GPHN: variants seen among roughly 807,000 people sequenced by gnomAD.
GPHN encodes gephyrin.
Under a neutral mutation model 95.5 loss-of-function variants are expected in GPHN, and 17 were observed. The observed-to-expected ratio is 0.18, with a 90% CI of 0.12 to 0.27. The LOEUF (loss-of-function observed/expected upper bound fraction) is 0.27. GPHN is among the 10% of genes least tolerant of loss of function. The probability of loss-of-function intolerance (pLI) is 1.00; values close to 1 mark genes in which losing one functional copy is unlikely to be tolerated. For synonymous variants in GPHN, 320 were observed against 322.5 expected, an observed-to-expected ratio of 0.99 and a Z score of 0.08; for missense variants, 660 against 978.1, an observed-to-expected ratio of 0.67 and a Z score of 4.34.
At chr14:67,162,781 C>G (rs979363596) in intron 19 of GPHN, among the ~76,000 whole-genome samples, 1 of 152,170 alleles carries the variant, frequency 6.6e-6, no homozygotes, top group African/African-American at 2.4e-5. Context: ...AGATCATGTA[C>G]TAACGCTACA....
chr14:67,111,256 C>G (rs1043709137), intron 14 of GPHN, among the ~76,000 whole-genome samples: 2 of 152,150 alleles, frequency 1.3e-5, no homozygotes, highest in African/African-American at 4.8e-5. Context: ...ATCAGGGAAG[C>G]CAGCAAAGCA....
At chr14:66,857,190 T>C (rs1358876812) in intron 4 of GPHN, among the ~76,000 whole-genome samples, 1 of 151,862 alleles carries the variant, frequency 6.6e-6, no homozygotes, top group Non-Finnish European at 1.5e-5. Flanking sequence ...TGAGAAAAGA[T>C]ATGAAGAATG....
intron 7 of GPHN, 88 bp downstream of exon 7, chr14:66,923,026 C>A (rs2066299088): frequency 9.3e-7 from 1 of 1,080,972 alleles, no homozygotes; most frequent in Non-Finnish European, 1.4e-6. Context: ...TCCCTCCCTA[C>A]ATTTAATACT....
chr14:67,156,480 A>C (rs1212345686), intron 18 of GPHN, among the ~76,000 whole-genome samples: 1 of 152,164 alleles, frequency 6.6e-6, no homozygotes, highest in Non-Finnish European at 1.5e-5. Context: ...TAATAAGTCA[A>C]GGATGCATAT....
intron 1 of GPHN, among the ~76,000 whole-genome samples, chr14:66,561,429 T>A (rs1157014560): frequency 6.6e-6 from 1 of 152,148 alleles, no homozygotes; most frequent in Non-Finnish European, 1.5e-5. Context: ...CTGTTATTGG[T>A]CTATTCTGTA....
chr14:66,626,903 C>A (rs2063548859), intron 1 of GPHN, among the ~76,000 whole-genome samples: 2 of 151,902 alleles, frequency 1.3e-5, no homozygotes, highest in Non-Finnish European at 2.9e-5. Flanking sequence ...TAAAACAGTG[C>A]AGTTATCATT....
the GPHN span, among the ~76,000 whole-genome samples, chr14:67,453,775 A>G: frequency 2.6e-5 from 4 of 152,204 alleles, no homozygotes; most frequent in African/African-American, 9.6e-5. Flanking sequence ...AGAGGGGCAG[A>G]GGAGGTGACC....
chr14:66,793,622 T>C (rs1477243801), intron 3 of GPHN, among the ~76,000 whole-genome samples: 2 of 152,138 alleles, frequency 1.3e-5, no homozygotes, highest in Admixed American at 1.3e-4. Flanking sequence ...TGTATACTTA[T>C]GCATAAGTAT....
the GPHN span, among the ~76,000 whole-genome samples, chr14:67,269,073 T>C: frequency 8.7e-4 from 133 of 152,320 alleles, no homozygotes; most frequent in Admixed American, 2.4e-3. Flanking sequence ...CTACTTTTTG[T>C]CTCTCTATAT....
intron 9 of GPHN, among the ~76,000 whole-genome samples, chr14:66,999,696 C>T (rs1022828180): frequency 7.9e-5 from 12 of 151,690 alleles, no homozygotes; most frequent in African/African-American, 2.7e-4. Flanking sequence ...AACTGATTTT[C>T]AACTTTGTTC....
intron 3 of GPHN, chr14:66,823,451 ATTTTTGAGGGGCT>A (rs957220552): frequency 1.3e-5 from 2 of 152,190 alleles, no homozygotes; most frequent in African/African-American, 4.8e-5. Context: ...ATAATCATTG[ATTTTTGAGGGGCT>A]TTCCTCAGAA....
intron 4 of GPHN, among the ~76,000 whole-genome samples, chr14:66,848,530 G>A (rs950048837): frequency 2.0e-5 from 3 of 151,978 alleles, no homozygotes; most frequent in African/African-American, 4.8e-5. Context: ...AAGAAAACTG[G>A]TTTTCAAATT....
At chr14:67,300,844 T>C in the GPHN span, among the ~76,000 whole-genome samples, 1 of 152,030 alleles carries the variant, frequency 6.6e-6, no homozygotes, top group Non-Finnish European at 1.5e-5. Context: ...GTCAGTCTTT[T>C]TTTTTAATTA....
the GPHN span, among the ~76,000 whole-genome samples, chr14:67,621,416 T>C: frequency 4.9e-4 from 74 of 152,308 alleles, no homozygotes; most frequent in African/African-American, 1.3e-3. Flanking sequence ...ACTGATCTTA[T>C]ATAGAACTAA....
At chr14:66,594,218 T>A (rs1163017288) in intron 1 of GPHN, among the ~76,000 whole-genome samples, 1 of 152,082 alleles carries the variant, frequency 6.6e-6, no homozygotes, top group Non-Finnish European at 1.5e-5. Flanking sequence ...AGGATGAACA[T>A]TGTTAAAGTG....
the GPHN span, among the ~76,000 whole-genome samples, chr14:67,665,649 A>C: frequency 6.6e-6 from 1 of 152,152 alleles, no homozygotes; most frequent in East Asian, 1.9e-4. Flanking sequence ...GTTCCTCTGA[A>C]ACATGGAAAT....
At chr14:67,387,534 A>G in the GPHN span, 3 of 1,438,528 alleles carry the variant, frequency 2.1e-6, no homozygotes, top group Non-Finnish European at 2.9e-6. Context: ...CAGAAAGTCA[A>G]CTGAGACATG....
At chr14:67,218,456 T>C in the GPHN span, among the ~76,000 whole-genome samples, 1 of 152,130 alleles carries the variant, frequency 6.6e-6, no homozygotes, top group South Asian at 2.1e-4. Flanking sequence ...GGGGACAGCC[T>C]GTGGGCTGTT....
In GPHN at chr14:66,544,531, A is replaced by T. The variant is rs2059461846; in HGVS notation, c.64+35940A>T. Among the ~76,000 whole-genome samples, 4 of 152,162 alleles carry T rather than the reference A, an allele frequency of 2.6e-5. No homozygotes were observed. In the South Asian group the frequency reaches 6.2e-4, roughly 24 times the overall value. On this transcript the variant is annotated intron_variant, in intron 1 of 22. Transcript: ENST00000478722. ...AGTGCCTTGCACATTGTAAGTGCCC[A>T]ATGAATATTTGTTGAATGAAAGAAG...
Sources: allele counts gnomAD v4.1 joint callset (sites outside exome capture counted in the v4.1 genomes callset), GRCh38; gene constraint gnomAD v4.1.1; transcripts MANE v1.5; gene names NCBI Gene and HGNC (gene_info 2026-07-23, HGNC 2026-07-21).